DMD: variants seen among roughly 807,000 people sequenced by gnomAD.
The protein encoded by DMD is dystrophin.
DMD carries 63 observed loss-of-function variants against 330.1 expected under a neutral mutation model. The ratio of observed to expected loss-of-function variants is 0.19; its 90% CI spans 0.16 to 0.24. DMD has a LOEUF of 0.24. Among genes scored for constraint, DMD ranks in the 10% least tolerant of loss-of-function variants. The probability of loss-of-function intolerance (pLI) is 1.00; values close to 1 mark genes in which losing one functional copy is unlikely to be tolerated. For missense variants in DMD, 3,344 were observed against 2,684.1 expected (o/e 1.25, Z -5.43); for synonymous variants, 1,223 against 959.8 (o/e 1.27, Z -5.07).
chrX:33,020,226 AG>A, intron 1 of DMD, 26 bp from the exon 2 acceptor site: 1 of 1,032,031 alleles, frequency 9.7e-7, no homozygotes, highest in Non-Finnish European at 1.3e-6. Context: ...AAAAAATAAA[AG>A]TTAGGAAGCA....
At chrX:31,241,009 G>C (rs1896144551) in intron 63 of DMD, among the ~76,000 whole-genome samples, 1 of 111,040 alleles carries the variant, frequency 9.0e-6, no homozygotes, top group Non-Finnish European at 1.9e-5. Context: ...GCAAAACTAA[G>C]AGAGATAGTG....
chrX:31,346,321 A>G (rs1183347887), intron 61 of DMD, among the ~76,000 whole-genome samples: 1 of 110,965 alleles, frequency 9.0e-6, no homozygotes, highest in Non-Finnish European at 1.9e-5. Flanking sequence ...AGGGATTGCT[A>G]TAAGGATTAA....
At chrX:32,878,648 A>G (rs2083584744) in intron 2 of DMD, among the ~76,000 whole-genome samples, 2 of 111,133 alleles carry the variant, frequency 1.8e-5, no homozygotes, top group Admixed American at 9.6e-5. Context: ...AATCTTACTG[A>G]TTTTTAAATA....
chrX:32,135,140 C>T (rs1005496911), intron 44 of DMD, among the ~76,000 whole-genome samples: 4 of 111,738 alleles, frequency 3.6e-5, no homozygotes, highest in African/African-American at 1.3e-4. Context: ...TCTACATTTC[C>T]CCAAACTAAA....
chrX:31,402,147 T>G (rs2061219666), intron 60 of DMD, among the ~76,000 whole-genome samples: 1 of 111,494 alleles, frequency 9.0e-6, no homozygotes, highest in African/African-American at 3.3e-5. Context: ...AGAGGCTGAG[T>G]AGAGTGAACT....
At chrX:32,236,227 G>A (rs570750153) in intron 43 of DMD, among the ~76,000 whole-genome samples, 12 of 111,429 alleles carry the variant, frequency 1.1e-4, no homozygotes, top group South Asian at 3.8e-4. Context: ...ACAACTTACC[G>A]TTCAACAGAA....
At chrX:31,730,872 G>A (rs745627433) in intron 51 of DMD, among the ~76,000 whole-genome samples, 40 of 111,386 alleles carry the variant, frequency 3.6e-4, no homozygotes, top group African/African-American at 1.3e-3. Flanking sequence ...GATGAAAGTG[G>A]TAGATAGTAA....
intron 2 of DMD, among the ~76,000 whole-genome samples, chrX:32,936,434 C>T (rs1461103831): frequency 9.0e-6 from 1 of 111,682 alleles, no homozygotes; most frequent in Admixed American, 9.5e-5. Context: ...TTAATCCCAT[C>T]ATAAAGGGGC....
chrX:32,296,357 C>T (rs1016702967), intron 42 of DMD, among the ~76,000 whole-genome samples: 2 of 111,196 alleles, frequency 1.8e-5, no homozygotes, highest in African/African-American at 3.3e-5. Context: ...TGCCACCGCA[C>T]TCCAGCCTGG....
At chrX:32,829,921 C>T (rs1471187757) in intron 4 of DMD, among the ~76,000 whole-genome samples, 4 of 111,761 alleles carry the variant, frequency 3.6e-5, no homozygotes, top group Non-Finnish European at 7.6e-5. Flanking sequence ...TTAAGAGGCT[C>T]TCTCTCCAAG....
chrX:32,634,428 T>C (rs2058949647), intron 11 of DMD, among the ~76,000 whole-genome samples: 1 of 111,980 alleles, frequency 8.9e-6, no homozygotes, highest in South Asian at 3.7e-4. Context: ...CCACCACAGC[T>C]GGGAATGTAC....
chrX:33,027,694 T>C (rs1276993588), intron 1 of DMD, among the ~76,000 whole-genome samples: 3 of 108,150 alleles, frequency 2.8e-5, no homozygotes, highest in African/African-American at 1.1e-4. Context: ...AATATACAGA[T>C]AAGTTGCCTG....
chrX:33,100,739 C>A (rs1193255146), intron 1 of DMD, among the ~76,000 whole-genome samples: 1 of 111,854 alleles, frequency 8.9e-6, no homozygotes, highest in Non-Finnish European at 1.9e-5. Flanking sequence ...AAATGAAAAT[C>A]AATTAACTCA....
At chrX:32,593,668 T>C (rs1048671792) in intron 13 of DMD, among the ~76,000 whole-genome samples, 1 of 111,863 alleles carries the variant, frequency 8.9e-6, no homozygotes, top group Admixed American at 9.5e-5. Flanking sequence ...CCCTGGGACA[T>C]AGTAAGAACA....
intron 6 of DMD, among the ~76,000 whole-genome samples, chrX:32,816,173 C>A (rs1374846034): frequency 9.0e-6 from 1 of 111,529 alleles, no homozygotes; most frequent in Admixed American, 9.6e-5. Flanking sequence ...TAGAATACAA[C>A]CTGGATTTAC....
intron 44 of DMD, among the ~76,000 whole-genome samples, chrX:32,184,669 A>G (rs1353875875): frequency 9.0e-6 from 1 of 110,847 alleles, no homozygotes; most frequent in African/African-American, 3.3e-5. Flanking sequence ...GCAAAAAGCT[A>G]TGTTGCCCTG....
At chrX:32,576,610 A>G (rs2053077890) in intron 13 of DMD, among the ~76,000 whole-genome samples, 1 of 100,220 alleles carries the variant, frequency 1.0e-5, no homozygotes, top group Non-Finnish European at 2.1e-5. Flanking sequence ...TGCTACTCAA[A>G]ACAGCATGCA....
intron 7 of DMD, among the ~76,000 whole-genome samples, chrX:32,777,068 TTTG>T (rs1258083437): frequency 6.4e-5 from 7 of 109,371 alleles, no homozygotes; most frequent in African/African-American, 2.0e-4. Context: ...GTCTTTTTTT[TTTG>T]TTTTTACAGT....
intron 30 of DMD, among the ~76,000 whole-genome samples, chrX:32,403,092 G>C (rs56152215): frequency 0.15 from 16,756 of 110,768 alleles, 1,093 homozygotes; most frequent in African/African-American, 0.24. Context: ...GGGAATAGAC[G>C]GGGAAAATTT....
Sources: allele counts gnomAD v4.1 joint callset (sites outside exome capture counted in the v4.1 genomes callset), GRCh38; gene constraint gnomAD v4.1.1; transcripts MANE v1.5; gene names NCBI Gene and HGNC (gene_info 2026-07-23, HGNC 2026-07-21).